RAB2A: variants seen among roughly 807,000 people sequenced by gnomAD.
The protein encoded by RAB2A is RAB2A, member RAS oncogene family, also known as ras-related protein Rab-2A.
A neutral mutation model predicts 32.5 loss-of-function variants in RAB2A; 7 were observed. The observed-to-expected ratio is 0.22, with a 90% CI of 0.12 to 0.40. The LOEUF (loss-of-function observed/expected upper bound fraction) is 0.40. Among genes scored for constraint, RAB2A ranks in the 10% least tolerant of loss-of-function variants. The pLI is 1.00. For synonymous variants in RAB2A, 79 were observed against 85.2 expected (o/e 0.93, Z 0.40); for missense variants, 108 against 260.7 (o/e 0.41, Z 4.03).
chr8:60,530,082 C>T lies in RAB2A; in HGVS notation c.46+12829C>T, dbSNP rs1351254745. Among the ~76,000 whole-genome samples the T allele has an allele frequency of 3.3e-5, 5 of 151,184 alleles. No individual in the cohort carries two copies. In the East Asian group the frequency reaches 5.8e-4, roughly 18 times the overall value. ...TCCTGGGCTCAAGGGATCCTCCCAG[C>T]GTAGGCTCCCAAGTAGCTGAGGTCA... is the stretch of plus-strand genomic sequence containing the variant. On this transcript the variant is annotated intron_variant, in intron 1 of 7. Transcript: ENST00000262646.
chr8:60,529,853 TGCTAGA>T (rs1807449240), intron 1 of RAB2A, among the ~76,000 whole-genome samples: 1 of 152,228 alleles, frequency 6.6e-6, no homozygotes, highest in Non-Finnish European at 1.5e-5. Flanking sequence ...TTGAGCTGGG[TGCTAGA>T]GTTTTAGAAA....
chr8:60,549,610 A>G (rs949274638), intron 1 of RAB2A, among the ~76,000 whole-genome samples: 5 of 152,100 alleles, frequency 3.3e-5, no homozygotes, highest in African/African-American at 1.2e-4. Context: ...CGTGGAGAGA[A>G]AGGGGGAGGA....
At chr8:60,530,398 A>G (rs1300522287) in intron 1 of RAB2A, among the ~76,000 whole-genome samples, 1 of 151,910 alleles carries the variant, frequency 6.6e-6, no homozygotes, top group Non-Finnish European at 1.5e-5. Context: ...TGCCCACCTC[A>G]ACCTCTCAAA....
At chr8:60,558,304 G>A (rs1807968547) in intron 1 of RAB2A, 1 of 419,182 alleles carries the variant, frequency 2.4e-6, no homozygotes, top group Non-Finnish European at 4.6e-6. Context: ...TAGAAATGTG[G>A]GAGTCATTCA....
chr8:60,529,255 C>A (rs1425092912), intron 1 of RAB2A, among the ~76,000 whole-genome samples: 2 of 152,142 alleles, frequency 1.3e-5, no homozygotes, highest in Admixed American at 6.5e-5. Flanking sequence ...TCCATATGTG[C>A]TTGAAAATAT....
intron 1 of RAB2A, among the ~76,000 whole-genome samples, chr8:60,517,795 T>A (rs763616190): frequency 1.3e-5 from 2 of 152,036 alleles, no homozygotes; most frequent in Non-Finnish European, 1.5e-5. Context: ...AATATGTATT[T>A]TATATATATA....
At chr8:60,560,495 A>T (rs1293332077) in intron 2 of RAB2A, among the ~76,000 whole-genome samples, 1 of 152,184 alleles carries the variant, frequency 6.6e-6, no homozygotes, top group Non-Finnish European at 1.5e-5. Flanking sequence ...CAACTGGCAA[A>T]ACAGTTGTAT....
intron 5 of RAB2A, among the ~76,000 whole-genome samples, chr8:60,589,388 G>A (rs1027644696): frequency 2.0e-5 from 3 of 152,302 alleles, no homozygotes; most frequent in Admixed American, 2.0e-4. Context: ...ATTTTTAGAT[G>A]AATTGAACTG....
chr8:60,533,948 G>A lies in RAB2A; in HGVS notation c.46+16695G>A, dbSNP rs187827367. Among the ~76,000 whole-genome samples, 91 of 152,212 alleles carry A rather than the reference G, an allele frequency of 6.0e-4. No individual in the cohort carries two copies. In the East Asian group the frequency reaches 0.016, roughly 27 times the overall value. ...ACTATACTCCAGCCTGGGCGACAGA[G>A]CAAGACTCTGTCTCAAAAACAAAAC... On this transcript the variant is annotated intron_variant, in intron 1 of 7. Coordinates refer to ENST00000262646, the MANE Select transcript of RAB2A (RefSeq NM_002865.3).
chr8:60,620,848 C>T lies in RAB2A; in HGVS notation c.*79C>T. The T allele has an allele frequency of 8.3e-7, 1 of 1,205,190 alleles. No homozygotes were observed. Among genetic ancestry groups the T allele is most frequent in the Non-Finnish European group, 1.2e-6 (1 of 865,420 alleles). 74.7% of individuals were successfully genotyped at this position (1,205,190 alleles called of 1,614,324 possible). On this transcript the variant is annotated 3_prime_UTR_variant, in exon 8 of 8. Coordinates refer to ENST00000262646, the MANE Select transcript of RAB2A (RefSeq NM_002865.3). ...CCCCTCTCCTCCTGCTCAGCTGAGA[C>T]ATGAAACTATTTGAAATGGCTTTAT...
intron 2 of RAB2A, among the ~76,000 whole-genome samples, chr8:60,568,102 G>T (rs1286830009): frequency 2.6e-5 from 4 of 152,204 alleles, no homozygotes; most frequent in Non-Finnish European, 5.9e-5. Context: ...AACTTCTGCA[G>T]TGTCTAGGTT....
intron 7 of RAB2A, 30 bp downstream of exon 7, chr8:60,618,678 A>G (rs1291573764): frequency 2.2e-6 from 2 of 893,220 alleles, no homozygotes; most frequent in Non-Finnish European, 3.1e-6. Flanking sequence ...GTTGGTCAAT[A>G]TTAATTTAGA....
chr8:60,529,769 C>T lies in RAB2A; in HGVS notation c.46+12516C>T, dbSNP rs546228844. On this transcript the variant is annotated intron_variant, in intron 1 of 7. Coordinates refer to ENST00000262646, the MANE Select transcript of RAB2A (RefSeq NM_002865.3). ...TACTGCAGTTTTCTCCATTCTTTCA[C>T]TTATGGACATCTTAAAGTTGTTTAT... is the stretch of plus-strand genomic sequence containing the variant. Among the ~76,000 whole-genome samples, 9 of 152,250 alleles carry T rather than the reference C, an allele frequency of 5.9e-5. No individual in the cohort carries two copies. In the South Asian group the frequency reaches 1.9e-3, roughly 32 times the overall value.
At chr8:60,581,617 T>C (rs116025736) in intron 3 of RAB2A, among the ~76,000 whole-genome samples, 50 of 152,358 alleles carry the variant, frequency 3.3e-4, no homozygotes, top group African/African-American at 1.1e-3. Context: ...TCTTGGTACA[T>C]AGGATTTACA....
rs550382106 is a variant in RAB2A at position 60,608,555 on chromosome 8, CTCTCCT to C, written c.475-10006_475-10001del. Among the ~76,000 whole-genome samples the C allele has an allele frequency of 4.0e-3, 572 of 144,182 alleles. 7 individuals carry two copies. The highest frequency in any genetic ancestry group is 0.014 in the African/African-American group (493 of 36,092). The allele number at this position is 144,182 out of a possible 152,430, so 94.6% of individuals were successfully genotyped here. Reference sequence around the variant, plus strand: ...CTTCTCCTCCTTCTCTCTCTCCTCTCTCTCCTTCTCCTTCTCCTTCTCCTCCTCTCC... The same window carrying C: ...CTTCTCCTCCTTCTCTCTCTCCTCTCTCTCCTTCTCCTTCTCCTCCTCTCC... On this transcript the variant is annotated intron_variant, in intron 6 of 7. Transcript: ENST00000262646.
chr8:60,597,593 C>T (rs1310685174), intron 6 of RAB2A, among the ~76,000 whole-genome samples: 2 of 151,556 alleles, frequency 1.3e-5, no homozygotes, highest in Non-Finnish European at 2.9e-5. Context: ...TTTAAAAAAA[C>T]AAAAGAAAAG....
chr8:60,530,718 A>G (rs1402143788), intron 1 of RAB2A, among the ~76,000 whole-genome samples: 6 of 152,062 alleles, frequency 3.9e-5, no homozygotes, highest in African/African-American at 1.4e-4. Context: ...GTAATCACTG[A>G]TGGATTTGGG....
At chr8:60,550,401 T>C (rs1171476544) in intron 1 of RAB2A, among the ~76,000 whole-genome samples, 1 of 152,046 alleles carries the variant, frequency 6.6e-6, no homozygotes, top group Admixed American at 6.6e-5. Flanking sequence ...TTTTTTTTTT[T>C]TGAGGCAGGG....
chr8:60,524,992 T>C (rs1807357341), intron 1 of RAB2A, among the ~76,000 whole-genome samples: 1 of 152,230 alleles, frequency 6.6e-6, no homozygotes, highest in South Asian at 2.1e-4. Flanking sequence ...CTTTTTATAG[T>C]TCCTACACCA....
Sources: allele counts gnomAD v4.1 joint callset (sites outside exome capture counted in the v4.1 genomes callset), GRCh38; gene constraint gnomAD v4.1.1; transcripts MANE v1.5; gene names NCBI Gene and HGNC (gene_info 2026-07-23, HGNC 2026-07-21).